The following GSE1 variants were observed in gnomAD, a reference collection of about 807,000 sequenced individuals.
GSE1 encodes Gse1 coiled-coil protein.
Under a neutral mutation model 112.6 loss-of-function variants are expected in GSE1, and 32 were observed. The ratio of observed to expected loss-of-function variants is 0.28; its 90% CI spans 0.21 to 0.38. The LOEUF (loss-of-function observed/expected upper bound fraction) is 0.38, where lower values mean the gene tolerates loss of function less well. Ranked by LOEUF, GSE1 falls within the 10% of genes least tolerant of loss-of-function variation. GSE1 has a pLI of 1.00. For missense variants in GSE1, 2,348 were observed against 1,699.2 expected, an observed-to-expected ratio of 1.38 and a Z score of -6.71; for synonymous variants, 1,115 against 735.6, an observed-to-expected ratio of 1.52 and a Z score of -8.35.
intron 1 of GSE1, among the ~76,000 whole-genome samples, chr16:85,309,276 C>T (rs1043911006): frequency 4.1e-4 from 63 of 152,114 alleles, no homozygotes; most frequent in Admixed American, 3.1e-3. Context: ...ACTAGAGGAT[C>T]GCTTGAAGCC....
chr16:85,469,214 C>T (rs992103352), intron 2 of GSE1, among the ~76,000 whole-genome samples: 3 of 151,962 alleles, frequency 2.0e-5, no homozygotes, highest in African/African-American at 7.3e-5. Flanking sequence ...CGAGATCGTG[C>T]CATTGCACTG....
intron 1 of GSE1, among the ~76,000 whole-genome samples, chr16:85,280,083 G>A (rs1419826228): frequency 6.6e-6 from 1 of 152,202 alleles, no homozygotes; most frequent in African/African-American, 2.4e-5. Flanking sequence ...AACACGCCCA[G>A]CGCTCGGAAG....
chr16:85,600,468 C>T (rs1439680346), intron 1 of GSE1, among the ~76,000 whole-genome samples: 3 of 151,972 alleles, frequency 2.0e-5, no homozygotes, highest in Admixed American at 6.6e-5. Context: ...GTCTGAACTC[C>T]GGGTGAGAGG....
chr16:85,303,695 G>A (rs1167358971), intron 1 of GSE1, among the ~76,000 whole-genome samples: 1 of 152,248 alleles, frequency 6.6e-6, no homozygotes, highest in Admixed American at 6.5e-5. Flanking sequence ...GGCAGGAGCC[G>A]GGCGCTGGGG....
intron 14 of GSE1, among the ~76,000 whole-genome samples, chr16:85,669,203 A>ACT (rs1301400951): frequency 6.6e-6 from 1 of 152,214 alleles, no homozygotes; most frequent in Non-Finnish European, 1.5e-5. Context: ...TTCATTTTGC[A>ACT]CTCACCATCC....
intron 2 of GSE1, among the ~76,000 whole-genome samples, chr16:85,435,271 C>T (rs545808143): frequency 6.6e-6 from 1 of 151,752 alleles, no homozygotes; most frequent in East Asian, 1.9e-4. Context: ...TCCTCCTTCT[C>T]CCCAGCTCTA....
chr16:85,556,750 C>A (rs1167822718), intron 1 of GSE1, among the ~76,000 whole-genome samples: 1 of 31,860 alleles, frequency 3.1e-5, no homozygotes, highest in African/African-American at 1.7e-4. Context: ...GGGTAGCATG[C>A]CCCCCCCCCC....
At chr16:85,479,417 T>G (rs2050604446) in intron 2 of GSE1, among the ~76,000 whole-genome samples, 1 of 150,890 alleles carries the variant, frequency 6.6e-6, no homozygotes, top group Non-Finnish European at 1.5e-5. Context: ...GATCTGCACG[T>G]CTCAGCCTCC....
At chr16:85,310,329 G>T (rs1214656009) in intron 1 of GSE1, among the ~76,000 whole-genome samples, 2 of 152,226 alleles carry the variant, frequency 1.3e-5, no homozygotes, top group Admixed American at 6.5e-5. Context: ...GTGAGGTTCA[G>T]CGCCTTAATA....
At position 85,409,270 on chromosome 16, in the gene GSE1, C is replaced by G; in HGVS notation, c.2464+51627C>G. 4.9e-5 allele frequency among the ~76,000 whole-genome samples: 2 copies of G among 40,924 alleles called. 1 individual carries two copies. The highest frequency in any genetic ancestry group is 9.6e-5 in the Non-Finnish European group (2 of 20,804). The allele number at this position is 40,924 out of a possible 152,430, so 26.8% of individuals were successfully genotyped here. A position where few individuals can be genotyped will look rare whatever the true frequency, so the allele number is the denominator to read the frequency against. Reference sequence around the variant, plus strand: ...CCCGGATAATCCTCACTGTTGCACTCAGGGTCCCTCTGATAATCCTCACTG... The same window carrying G: ...CCCGGATAATCCTCACTGTTGCACTGAGGGTCCCTCTGATAATCCTCACTG... On this transcript the variant is annotated intron_variant, in intron 2 of 2. Transcript: ENST00000637419.
At chr16:85,215,502 G>C (rs530574556) in intron 1 of GSE1, among the ~76,000 whole-genome samples, 3 of 152,246 alleles carry the variant, frequency 2.0e-5, no homozygotes, top group South Asian at 2.1e-4. Flanking sequence ...ATTCACCACT[G>C]TATAACTCAT....
chr16:85,225,520 C>G (rs1407346272), intron 1 of GSE1, among the ~76,000 whole-genome samples: 1 of 152,150 alleles, frequency 6.6e-6, no homozygotes, highest in African/African-American at 2.4e-5. Flanking sequence ...AGAAGGGTCC[C>G]CAGGGAGGTG....
At chr16:85,638,464 A>G (rs1196872000) in intron 2 of GSE1, among the ~76,000 whole-genome samples, 1 of 152,192 alleles carries the variant, frequency 6.6e-6, no homozygotes, top group Non-Finnish European at 1.5e-5. Flanking sequence ...TCGCCGATGC[A>G]TGCCCCAGCA....
chr16:85,501,701 C>T (rs1179972219), intron 2 of GSE1, among the ~76,000 whole-genome samples: 1 of 152,214 alleles, frequency 6.6e-6, no homozygotes, highest in African/African-American at 2.4e-5. Context: ...GCCAAAACTT[C>T]AGCATATCTT....
chr16:85,467,468 G>T (rs966849882), intron 2 of GSE1, among the ~76,000 whole-genome samples: 36 of 152,328 alleles, frequency 2.4e-4, no homozygotes, highest in African/African-American at 8.7e-4. Flanking sequence ...ATCTCATGTT[G>T]TTGTATTAGA....
chr16:85,224,973 C>T (rs1222043035), intron 1 of GSE1, among the ~76,000 whole-genome samples: 1 of 151,972 alleles, frequency 6.6e-6, no homozygotes, highest in Non-Finnish European at 1.5e-5. Context: ...AGTAAAAATA[C>T]AAAACAAATT....
chr16:85,547,967 C>T (rs1286871269), intron 2 of GSE1, among the ~76,000 whole-genome samples: 1 of 151,350 alleles, frequency 6.6e-6, no homozygotes, highest in Non-Finnish European at 1.5e-5. Context: ...GTGGCTCATG[C>T]CTGTAATCCC....
chr16:85,512,520 C>G (rs535059377), intron 2 of GSE1, among the ~76,000 whole-genome samples: 1 of 152,210 alleles, frequency 6.6e-6, no homozygotes, highest in Non-Finnish European at 1.5e-5. Flanking sequence ...CCTGCCCCTT[C>G]CCCAAGATTT....
chr16:85,654,695 C>T, intron 4 of GSE1, 99 bp from the exon 5 acceptor site: 1 of 824,190 alleles, frequency 1.2e-6, no homozygotes, highest in Non-Finnish European at 2.0e-6. Flanking sequence ...TGGGTGCCGA[C>T]TGAGCGCCAG....
Sources: allele counts gnomAD v4.1 joint callset (sites outside exome capture counted in the v4.1 genomes callset), GRCh38; gene constraint gnomAD v4.1.1; transcripts MANE v1.5; gene names NCBI Gene and HGNC (gene_info 2026-07-23, HGNC 2026-07-21).